CSMD1: variants seen among roughly 807,000 people sequenced by gnomAD.
CSMD1 encodes the protein CUB and sushi domain-containing protein 1.
In CSMD1, 213 loss-of-function variants were observed where a neutral mutation model predicts 417.5. The ratio of observed to expected loss-of-function variants is 0.51; its 90% CI spans 0.46 to 0.57. CSMD1 has a LOEUF of 0.57. Ranked by LOEUF, CSMD1 falls within the 20% of genes least tolerant of loss-of-function variation. The probability of loss-of-function intolerance (pLI) is 0.00; values close to 1 mark genes in which losing one functional copy is unlikely to be tolerated. For synonymous variants in CSMD1, 2,862 were observed against 1,736.8 expected, an observed-to-expected ratio of 1.65 and a Z score of -16.11; for missense variants, 6,923 against 4,529.7, an observed-to-expected ratio of 1.53 and a Z score of -15.17.
chr8:4,814,691 C>A (rs1424514654), intron 1 of CSMD1, among the ~76,000 whole-genome samples: 1 of 152,072 alleles, frequency 6.6e-6, no homozygotes, highest in Non-Finnish European at 1.5e-5. Flanking sequence ...AACAGCAAAT[C>A]CCAGCTCATG....
At chr8:3,678,769 G>A (rs926766484) in intron 7 of CSMD1, among the ~76,000 whole-genome samples, 1 of 152,132 alleles carries the variant, frequency 6.6e-6, no homozygotes. Context: ...AGGAAAAAAT[G>A]TTAAGTGCAG....
At chr8:4,596,173 T>A (rs1469320907) in intron 2 of CSMD1, among the ~76,000 whole-genome samples, 1 of 152,138 alleles carries the variant, frequency 6.6e-6, no homozygotes, top group Non-Finnish European at 1.5e-5. Context: ...TGGAATAATA[T>A]ATACCCACTG....
intron 17 of CSMD1, among the ~76,000 whole-genome samples, chr8:3,388,190 C>G (rs905930191): frequency 2.6e-5 from 4 of 152,108 alleles, no homozygotes; most frequent in African/African-American, 9.7e-5. Flanking sequence ...TGTTATTTTT[C>G]TAAGTTTGCA....
intron 5 of CSMD1, among the ~76,000 whole-genome samples, chr8:3,968,031 C>T (rs373054207): frequency 9.3e-6 from 1 of 107,408 alleles, no homozygotes; most frequent in Non-Finnish European, 2.0e-5. Flanking sequence ...AAAAAAATTA[C>T]AAAAAATTAG....
chr8:4,899,434 A>G (rs1804719617), intron 1 of CSMD1, among the ~76,000 whole-genome samples: 1 of 152,172 alleles, frequency 6.6e-6, no homozygotes, highest in Non-Finnish European at 1.5e-5. Context: ...ATTTTAGGTA[A>G]TTGAGAATTA....
chr8:2,987,276 T>A (rs530889917), intron 54 of CSMD1, among the ~76,000 whole-genome samples: 1 of 151,842 alleles, frequency 6.6e-6, no homozygotes, highest in African/African-American at 2.4e-5. Context: ...TGAAAAATTC[T>A]TCATGATATA....
chr8:4,301,132 A>G (rs185313774), intron 3 of CSMD1, among the ~76,000 whole-genome samples: 1 of 152,256 alleles, frequency 6.6e-6, no homozygotes, highest in East Asian at 1.9e-4. Flanking sequence ...GTTTGAGGAG[A>G]GGAATGAGCA....
intron 12 of CSMD1, among the ~76,000 whole-genome samples, chr8:3,440,523 TTCTTGGC>T (rs1266431251): frequency 6.6e-6 from 1 of 152,204 alleles, no homozygotes; most frequent in Admixed American, 6.5e-5. Context: ...CCAAACTGGG[TTCTTGGC>T]TCTAAGAGTT....
At chr8:4,901,471 A>C (rs1804865981) in intron 1 of CSMD1, among the ~76,000 whole-genome samples, 1 of 152,130 alleles carries the variant, frequency 6.6e-6, no homozygotes, top group South Asian at 2.1e-4. Flanking sequence ...TTATTTCAAA[A>C]CAAAGCTACA....
intron 5 of CSMD1, among the ~76,000 whole-genome samples, chr8:3,796,616 A>C (rs1800166640): frequency 6.7e-6 from 1 of 148,258 alleles, no homozygotes; most frequent in Admixed American, 6.8e-5. Context: ...GTATAGATGT[A>C]TAGATATATA....
intron 2 of CSMD1, among the ~76,000 whole-genome samples, chr8:4,446,835 C>A (rs908025532): frequency 6.7e-6 from 1 of 149,572 alleles, no homozygotes; most frequent in Non-Finnish European, 1.5e-5. Flanking sequence ...CTTGGCCAGA[C>A]TGGTCTTGAA....
chr8:4,811,294 A>C (rs534573906), intron 1 of CSMD1, among the ~76,000 whole-genome samples: 1 of 152,328 alleles, frequency 6.6e-6, no homozygotes, highest in East Asian at 1.9e-4. Context: ...TGTCAAACCT[A>C]GTATTAATTG....
At chr8:3,784,226 T>C (rs1039643015) in intron 5 of CSMD1, among the ~76,000 whole-genome samples, 1 of 152,208 alleles carries the variant, frequency 6.6e-6, no homozygotes, top group Non-Finnish European at 1.5e-5. Context: ...CAAATTATTT[T>C]TTAAAAGGAT....
At chr8:4,444,925 C>A (rs1412267456) in intron 2 of CSMD1, among the ~76,000 whole-genome samples, 1 of 152,162 alleles carries the variant, frequency 6.6e-6, no homozygotes. Context: ...TATTTGCTCC[C>A]TTCTTCATTT....
intron 5 of CSMD1, among the ~76,000 whole-genome samples, chr8:3,838,989 CAT>C (rs1222070198): frequency 1.6e-5 from 2 of 121,514 alleles, no homozygotes; most frequent in African/African-American, 6.2e-5. Flanking sequence ...TATTATATAT[CAT>C]ATAATTATAA....
At chr8:3,063,017 T>C (rs150162158) in intron 49 of CSMD1, among the ~76,000 whole-genome samples, 1 of 152,198 alleles carries the variant, frequency 6.6e-6, no homozygotes, top group East Asian at 1.9e-4. Context: ...CTGCTGTGTG[T>C]CATAAAAAAC....
chr8:4,851,867 G>C (rs1434296258), intron 1 of CSMD1, among the ~76,000 whole-genome samples: 2 of 152,138 alleles, frequency 1.3e-5, no homozygotes, highest in Admixed American at 1.3e-4. Flanking sequence ...TTAGATTTCA[G>C]AATATTTCTC....
chr8:4,802,633 T>C (rs1221249280), intron 1 of CSMD1, among the ~76,000 whole-genome samples: 1 of 152,200 alleles, frequency 6.6e-6, no homozygotes, highest in African/African-American at 2.4e-5. Flanking sequence ...TGTCTGTTTC[T>C]AGGCATGGAT....
chr8:4,504,030 C>CA (rs918781969), intron 2 of CSMD1, among the ~76,000 whole-genome samples: 24 of 151,368 alleles, frequency 1.6e-4, no homozygotes, highest in African/African-American at 5.8e-4. Context: ...TCTGTGTTCT[C>CA]ATGTTCATTG....
Sources: gnomAD v4.1 joint callset for allele counts (sites outside exome capture counted in the v4.1 genomes callset) on GRCh38, gnomAD v4.1.1 for gene constraint, MANE v1.5 for transcripts, NCBI Gene and HGNC (gene_info 2026-07-23, HGNC 2026-07-21) for gene names.